The following CHST9 variants were observed in gnomAD, a reference collection of about 807,000 sequenced individuals.
CHST9 encodes carbohydrate sulfotransferase 9.
In CHST9, 41 loss-of-function variants were observed where a neutral mutation model predicts 44.4. The ratio of observed to expected loss-of-function variants is 0.92; its 90% CI spans 0.72 to 1.20. CHST9 has a LOEUF of 1.20. Among genes scored for constraint, CHST9 ranks in the 50% most tolerant of loss-of-function variants. CHST9 has a pLI of 0.00. For synonymous variants in CHST9, 171 were observed against 178.4 expected (o/e 0.96, Z 0.33); for missense variants, 504 against 516.5 (o/e 0.98, Z 0.23).
chr18:27,078,030 C>T (rs2057922909), intron 2 of CHST9, among the ~76,000 whole-genome samples: 1 of 152,126 alleles, frequency 6.6e-6, no homozygotes, highest in African/African-American at 2.4e-5. Flanking sequence ...AGAACTCTAT[C>T]ACAACAACAG....
intron 3 of CHST9, among the ~76,000 whole-genome samples, chr18:27,036,587 A>T (rs1372809623): frequency 2.6e-5 from 4 of 152,092 alleles, no homozygotes; most frequent in Admixed American, 2.6e-4. Flanking sequence ...TATTTCTCCC[A>T]CTTCAGGCAA....
At chr18:27,100,713 G>C (rs1404926721) in intron 2 of CHST9, among the ~76,000 whole-genome samples, 1 of 152,198 alleles carries the variant, frequency 6.6e-6, no homozygotes, top group Non-Finnish European at 1.5e-5. Flanking sequence ...GTCATGACTA[G>C]AATTCCTAGT....
Position 27,113,114 on chromosome 18 carries a change from G to A in CHST9, c.121+29575C>T, listed in dbSNP as rs969591857. Among the ~76,000 whole-genome samples, 6 of 151,608 alleles carry A rather than the reference G, an allele frequency of 4.0e-5. No homozygotes were observed. The South Asian group carries it at 6.2e-4, about 16-fold the overall frequency. ...TGAGGCAGGAGAATGGCATGAACCC[G>A]GGAGGCGGAACTTGCAGTAAGCGGA... On this transcript the variant is annotated intron_variant, in intron 2 of 5. Transcript: ENST00000618847.
At chr18:26,944,215 T>C (rs1234778695) in intron 5 of CHST9, 114 bp downstream of exon 5, 5 of 783,014 alleles carry the variant, frequency 6.4e-6, no homozygotes, top group Admixed American at 2.2e-5. Flanking sequence ...CAATAACATA[T>C]ATATTGCTCA....
chr18:26,959,949 G>A (rs1048000055), intron 4 of CHST9, among the ~76,000 whole-genome samples: 8 of 152,126 alleles, frequency 5.3e-5, no homozygotes, highest in African/African-American at 1.9e-4. Flanking sequence ...ATTCAGATGA[G>A]GGGTTAGGAT....
At chr18:27,127,385 C>T (rs1308053547) in intron 2 of CHST9, among the ~76,000 whole-genome samples, 2 of 152,042 alleles carry the variant, frequency 1.3e-5, no homozygotes, top group African/African-American at 4.8e-5. Context: ...AAGTGGACAT[C>T]GCCAGTATCT....
chr18:27,082,009 T>C (rs1393677847), intron 2 of CHST9, among the ~76,000 whole-genome samples: 1 of 152,234 alleles, frequency 6.6e-6, no homozygotes, highest in Non-Finnish European at 1.5e-5. Flanking sequence ...TCAGCCAGTC[T>C]GACTAAATGT....
intron 4 of CHST9, among the ~76,000 whole-genome samples, chr18:27,002,216 G>A (rs2056962118): frequency 6.7e-6 from 1 of 150,198 alleles, no homozygotes; most frequent in South Asian, 2.1e-4. Flanking sequence ...CTGGAGGCCT[G>A]CACCATCCTT....
intron 2 of CHST9, among the ~76,000 whole-genome samples, chr18:27,139,824 C>T (rs962581853): frequency 3.3e-5 from 5 of 151,954 alleles, no homozygotes; most frequent in Non-Finnish European, 5.9e-5. Context: ...AATAATTTTC[C>T]AACACTTGGG....
intron 2 of CHST9, among the ~76,000 whole-genome samples, chr18:27,056,339 G>C (rs776847202): frequency 6.6e-6 from 1 of 152,134 alleles, no homozygotes; most frequent in African/African-American, 2.4e-5. Context: ...CAAGGTTCCA[G>C]TTAGTGAATG....
intron 2 of CHST9, among the ~76,000 whole-genome samples, chr18:27,132,126 C>A (rs975590090): frequency 3.9e-5 from 6 of 152,180 alleles, no homozygotes; most frequent in Admixed American, 1.3e-4. Context: ...CTTGGAATAA[C>A]CCTCTTTAAA....
intron 1 of CHST9, among the ~76,000 whole-genome samples, chr18:27,143,468 A>G (rs2058585442): frequency 6.6e-6 from 1 of 152,192 alleles, no homozygotes; most frequent in South Asian, 2.1e-4. Context: ...CAATAACATG[A>G]AATTACTGAA....
intron 1 of CHST9, among the ~76,000 whole-genome samples, chr18:27,168,105 T>G (rs1015144269): frequency 4.0e-5 from 6 of 149,452 alleles, no homozygotes; most frequent in Non-Finnish European, 7.4e-5. Flanking sequence ...GACGGAGTCT[T>G]GCTCTGTCGC....
At chr18:26,980,754 G>T (rs1034809042) in intron 4 of CHST9, among the ~76,000 whole-genome samples, 3 of 152,134 alleles carry the variant, frequency 2.0e-5, no homozygotes, top group Non-Finnish European at 2.9e-5. Flanking sequence ...GAAAAAAAAG[G>T]TTTTATAATT....
intron 4 of CHST9, among the ~76,000 whole-genome samples, chr18:26,945,182 A>G (rs2056144514): frequency 1.3e-5 from 2 of 152,302 alleles, no homozygotes; most frequent in East Asian, 1.9e-4. Flanking sequence ...CATTTTATTA[A>G]ATGTGTCCCT....
intron 2 of CHST9, among the ~76,000 whole-genome samples, chr18:27,074,855 G>A (rs2057884136): frequency 1.4e-5 from 2 of 146,740 alleles, no homozygotes; most frequent in African/African-American, 4.9e-5. Flanking sequence ...ATAAATATAT[G>A]ATATATAGTT....
chr18:26,957,755 T>C (rs2056345062), intron 4 of CHST9, among the ~76,000 whole-genome samples: 1 of 152,144 alleles, frequency 6.6e-6, no homozygotes, highest in Admixed American at 6.5e-5. Flanking sequence ...GTGGGTTATG[T>C]TGGGTGAACA....
intron 2 of CHST9, among the ~76,000 whole-genome samples, chr18:27,133,928 A>T (rs879773449): frequency 1.3e-5 from 2 of 152,152 alleles, no homozygotes; most frequent in African/African-American, 4.8e-5. Flanking sequence ...TCATTTGATT[A>T]AAAAAATTGT....
intron 2 of CHST9, among the ~76,000 whole-genome samples, chr18:27,086,161 G>A (rs181754550): frequency 2.6e-5 from 4 of 152,226 alleles, no homozygotes; most frequent in East Asian, 1.9e-4. Flanking sequence ...ACTACCTATC[G>A]GGTACTGTGA....
Sources: gnomAD v4.1 joint callset for allele counts (sites outside exome capture counted in the v4.1 genomes callset) on GRCh38, gnomAD v4.1.1 for gene constraint, MANE v1.5 for transcripts, NCBI Gene and HGNC (gene_info 2026-07-23, HGNC 2026-07-21) for gene names.